PITRM1: variants seen among roughly 807,000 people sequenced by gnomAD.
PITRM1 encodes pitrilysin metallopeptidase 1, also known as presequence protease, mitochondrial.
PITRM1 carries 100 observed loss-of-function variants against 129.9 expected under a neutral mutation model. That is an observed-to-expected ratio of 0.77 (90% CI 0.65 to 0.91). PITRM1 has a LOEUF of 0.91. Among genes scored for constraint, PITRM1 ranks in the 40% least tolerant of loss-of-function variants. PITRM1 has a pLI of 0.00. For synonymous variants in PITRM1, 591 were observed against 508.8 expected (o/e 1.16, Z -2.17); for missense variants, 1,471 against 1,318.3 (o/e 1.12, Z -1.79).
chr10:3,141,902 G>C, intron 23 of PITRM1: 1 of 221,774 alleles, frequency 4.5e-6, no homozygotes. Context: ...CGGGACTAGC[G>C]AGGCTGGAGT....
At chr10:3,168,504 C>T (rs1352971888) in intron 2 of PITRM1, among the ~76,000 whole-genome samples, 1 of 147,386 alleles carries the variant, frequency 6.8e-6, no homozygotes, top group African/African-American at 2.7e-5. Flanking sequence ...GTGTCCCCAC[C>T]CAAATCTCAT....
intron 2 of PITRM1, among the ~76,000 whole-genome samples, chr10:3,168,360 TTAA>T (rs1195169994): frequency 2.0e-5 from 3 of 152,188 alleles, no homozygotes; most frequent in African/African-American, 4.8e-5. Flanking sequence ...ATATATAGCT[TTAA>T]TAATAATAGC....
chr10:3,164,007 A>G, intron 6 of PITRM1, 122 bp from the exon 7 acceptor site: 1 of 548,096 alleles, frequency 1.8e-6, no homozygotes, highest in Non-Finnish European at 2.9e-6. Context: ...TTGCAAATAA[A>G]GCTGTTCTAA....
At position 3,139,007 on chromosome 10, in the gene PITRM1, A is replaced by G; in HGVS notation, c.2814T>C (p.Ala938=). ...ATTTTCCAGACTTAGCCCAGTCGACAGCCTTCCCAAAAGACTGGAGCGTCT... is the reference window on the plus strand; with the variant it reads ...ATTTTCCAGACTTAGCCCAGTCGACGGCCTTCCCAAAAGACTGGAGCGTCT... ...TIETLQSFGK[A]VDWAKSGKFT... is the part of the protein sequence containing the mutation. Residue 938 remains alanine (A), a synonymous_variant, in exon 25 of 27, where the codon GCT becomes GCC. Transcript: ENST00000224949. The G allele has an allele frequency of 1.9e-6, 3 of 1,613,966 alleles. No individual in the cohort carries two copies. In the East Asian group the frequency reaches 6.7e-5, roughly 36 times the overall value.
intron 14 of PITRM1, among the ~76,000 whole-genome samples, chr10:3,155,193 TG>T (rs1216938342): frequency 6.6e-6 from 1 of 152,170 alleles, no homozygotes; most frequent in African/African-American, 2.4e-5. Context: ...ATCCTGGTGC[TG>T]CTCTGTGGCT....
At chr10:3,168,872 A>G (rs908405804) in intron 2 of PITRM1, among the ~76,000 whole-genome samples, 7 of 122,208 alleles carry the variant, frequency 5.7e-5, no homozygotes, top group South Asian at 2.7e-4. Context: ...GGATTGCTTG[A>G]ACCCAGGAGT....
Position 3,151,206 on chromosome 10 carries a change from A to C in PITRM1, c.1738+41T>G, listed in dbSNP as rs569681853. 747 of 1,115,990 alleles carry C rather than the reference A, an allele frequency of 6.7e-4. 10 individuals carry two copies. The South Asian group carries it at 9.6e-3, about 14-fold the overall frequency. The allele number at this position is 1,115,990 out of a possible 1,614,324, so 69.1% of individuals were successfully genotyped here. On this transcript the variant is annotated intron_variant, in intron 15 of 26. Transcript: ENST00000224949. Reference sequence around the variant, plus strand: ...TGAGGAGTGACATTTAATTCCCCCAAGGAACCCGAGACCCGGGAAAAGCGT... The same window carrying C: ...TGAGGAGTGACATTTAATTCCCCCACGGAACCCGAGACCCGGGAAAAGCGT...
intron 11 of PITRM1, 39 bp from the exon 12 acceptor site, chr10:3,157,570 A>C: frequency 7.7e-7 from 1 of 1,304,298 alleles, no homozygotes; most frequent in Non-Finnish European, 1.1e-6. Flanking sequence ...GGCCAGACAC[A>C]ATGGCTCATG....
At chr10:3,145,906 C>A in intron 20 of PITRM1, 190 bp from the exon 21 acceptor site, 1 of 581,272 alleles carries the variant, frequency 1.7e-6, no homozygotes, top group East Asian at 2.9e-5. Context: ...CAAGAGATTT[C>A]CGCACAGTTC....
intron 2 of PITRM1, among the ~76,000 whole-genome samples, chr10:3,169,296 C>A (rs749477466): frequency 7.9e-5 from 12 of 152,194 alleles, no homozygotes; most frequent in Non-Finnish European, 1.6e-4. Context: ...AGTCACTGCC[C>A]TGGCTCCCTT....
At chr10:3,159,384 G>T (rs2132465938) in intron 9 of PITRM1, among the ~76,000 whole-genome samples, 1 of 152,360 alleles carries the variant, frequency 6.6e-6, no homozygotes, top group Non-Finnish European at 1.5e-5. Context: ...TGCAGGCTGA[G>T]CACGGGAGGG....
In PITRM1 at chr10:3,165,344, A is replaced by T. The variant is rs1183574888; in HGVS notation, c.534-10T>A. ...CCGCCATCCTTCCTGCCTGAGGACA[A>T]ATCATTATAAGCTGATAGTGACTCA... On this transcript the variant is annotated splice_polypyrimidine_tract_variant and intron_variant, in intron 5 of 26. Transcript: ENST00000224949. 5 of 1,595,102 alleles carry T rather than the reference A, an allele frequency of 3.1e-6. No homozygotes were observed. The highest frequency in any genetic ancestry group is 1.7e-4 in the Middle Eastern group (1 of 6,054).
intron 11 of PITRM1, 34 bp from the exon 12 acceptor site, chr10:3,157,565 G>C (rs759272391): frequency 3.0e-6 from 4 of 1,332,664 alleles, no homozygotes; most frequent in Non-Finnish European, 4.3e-6. Context: ...AGATGGGCCA[G>C]ACACAATGGC....
intron 14 of PITRM1, among the ~76,000 whole-genome samples, chr10:3,152,509 T>C (rs138382359): frequency 6.6e-6 from 1 of 152,294 alleles, no homozygotes; most frequent in African/African-American, 2.4e-5. Context: ...TCAGGCAGTG[T>C]CATCCCTCCA....
intron 26 of PITRM1, 48 bp from the exon 27 acceptor site, chr10:3,138,172 C>T (rs754453865): frequency 1.7e-5 from 27 of 1,568,660 alleles, no homozygotes; most frequent in Middle Eastern, 1.7e-4. Context: ...TCTGCGTGAG[C>T]GCTGTTAGAG....
At position 3,140,002 on chromosome 10, in the gene PITRM1, C is replaced by A. The variant is rs111261099; in HGVS notation, c.2771+685G>T. Among the ~76,000 whole-genome samples the A allele has an allele frequency of 6.5e-3, 996 of 152,368 alleles. 12 individuals carry two copies. The highest frequency in any genetic ancestry group is 0.023 in the African/African-American group (955 of 41,572). On this transcript the variant is annotated intron_variant, in intron 24 of 26. Coordinates refer to ENST00000224949, the MANE Select transcript of PITRM1 (RefSeq NM_014889.4). ...AACGCTCTCAGGCTGTATCAGCCCCCTCACCTGGGGCCTGTGTTTCAGGAC... is the reference window on the plus strand; with the variant it reads ...AACGCTCTCAGGCTGTATCAGCCCCATCACCTGGGGCCTGTGTTTCAGGAC...
intron 4 of PITRM1, among the ~76,000 whole-genome samples, chr10:3,165,754 G>C (rs1467302588): frequency 6.6e-6 from 1 of 152,152 alleles, no homozygotes; most frequent in Non-Finnish European, 1.5e-5. Flanking sequence ...ACGGGCACCA[G>C]GGCTTTCTTC....
At chr10:3,168,426 T>TTCTCATGAGAGCTGACGGTTTTATAAG (rs1554803207) in intron 2 of PITRM1, among the ~76,000 whole-genome samples, 1 of 151,402 alleles carries the variant, frequency 6.6e-6, no homozygotes, top group African/African-American at 2.5e-5. Flanking sequence ...TAAGTTTCTA[T>TTCTCATGAGAGCTGACGGTTTTATAAG]GGCTGGACAC....
rs767762515 is a variant in PITRM1, at chr10:3,172,751, G to C, written c.22C>G (p.Gln8Glu). The change falls in exon 1 of 27, where the codon CAG becomes GAG. Residue 8 changes from glutamine (Q) to glutamate (E), a missense_variant. Gln to Glu is a conservative substitution (Grantham distance 29, BLOSUM62 2). Coordinates refer to ENST00000224949, the MANE Select transcript of PITRM1 (RefSeq NM_014889.4). ...AGCCGCCTCAGCACACACAGGCCCT[G>C]CCGCCCGCCGCAGCGCCACATTGCG... is the stretch of plus-strand genomic sequence containing the variant. MWRCGGR[Q>E]GLCVLRRLSG... is the part of the protein sequence containing the mutation. 2 of 1,545,458 alleles carry C rather than the reference G, an allele frequency of 1.3e-6. No individual in the cohort carries two copies. Among genetic ancestry groups the C allele is most frequent in the Non-Finnish European group, 1.7e-6 (2 of 1,145,130 alleles).
Sources: allele counts gnomAD v4.1 joint callset (sites outside exome capture counted in the v4.1 genomes callset), GRCh38; gene constraint gnomAD v4.1.1; transcripts MANE v1.5; gene names NCBI Gene and HGNC (gene_info 2026-07-23, HGNC 2026-07-21).